The following DYRK1A variants were observed in gnomAD, a reference collection of about 807,000 sequenced individuals.
The protein encoded by DYRK1A is dual specificity tyrosine-phosphorylation-regulated kinase 1A.
DYRK1A carries 9 observed loss-of-function variants against 79.7 expected under a neutral mutation model. The ratio of observed to expected loss-of-function variants is 0.11; its 90% CI spans 0.07 to 0.20. The LOEUF is 0.20. DYRK1A is among the 10% of genes least tolerant of loss of function. The pLI, the probability that DYRK1A is intolerant of heterozygous loss-of-function variation, is 1.00. For missense variants in DYRK1A, 622 were observed against 956.0 expected (o/e 0.65, Z 4.61); for synonymous variants, 349 against 329.7 (o/e 1.06, Z -0.63).
intron 11 of DYRK1A, among the ~76,000 whole-genome samples, chr21:37,509,191 CTT>C (rs751930660): frequency 5.9e-5 from 9 of 152,096 alleles, no homozygotes. Context: ...TTTTTGTATA[CTT>C]TTTGAGATAT....
intron 1 of DYRK1A, among the ~76,000 whole-genome samples, chr21:37,369,202 G>C (rs2049380666): frequency 1.3e-5 from 2 of 152,110 alleles, no homozygotes; most frequent in African/African-American, 4.8e-5. Context: ...TTAGCATTTT[G>C]ATTTTGAGGT....
intron 5 of DYRK1A, chr21:37,481,102 T>C (rs2052623854): frequency 2.0e-5 from 6 of 299,132 alleles, no homozygotes; most frequent in Non-Finnish European, 3.7e-5. Flanking sequence ...GTATTGCCTC[T>C]TTGTTATGGG....
upstream of DYRK1A, chr21:37,366,259 T>TCCTCCC (rs1200433046): frequency 1.4e-5 from 2 of 146,708 alleles, no homozygotes; most frequent in Non-Finnish European, 3.0e-5. Context: ...GCGCCCCTCC[T>TCCTCCC]CCTCCCCCTC....
chr21:37,434,335 A>AG (rs1402319491), intron 2 of DYRK1A, among the ~76,000 whole-genome samples: 1 of 152,238 alleles, frequency 6.6e-6, no homozygotes, highest in Non-Finnish European at 1.5e-5. Flanking sequence ...TTGCTAGGCT[A>AG]GGTGGGACAA....
chr21:37,467,233 GA>G (rs2052061297), intron 2 of DYRK1A, among the ~76,000 whole-genome samples: 1 of 152,096 alleles, frequency 6.6e-6, no homozygotes, highest in African/African-American at 2.4e-5. Context: ...TCCAGAAATG[GA>G]AAATCTTTTT....
chr21:37,391,218 C>T (rs887559515), intron 1 of DYRK1A, among the ~76,000 whole-genome samples: 26 of 152,196 alleles, frequency 1.7e-4, no homozygotes, highest in South Asian at 4.1e-4. Flanking sequence ...GGGCGCTCCT[C>T]GGCTTTCAGT....
In DYRK1A at chr21:37,518,244, C is replaced by T. The variant is rs2835778; in HGVS notation, c.*5713C>T. The T allele has an allele frequency of 0.11, 17,015 of 152,274 alleles. 1,242 individuals carry two copies. The highest frequency in any genetic ancestry group is 0.16 in the Middle Eastern group (47 of 294). 9.4% of individuals were successfully genotyped at this position (152,274 alleles called of 1,614,324 possible). On this transcript the variant is annotated 3_prime_UTR_variant, in exon 12 of 12. Transcript: ENST00000647188. ...AGAAAGAGCGTTTTTATGTACATCACAGACAAGCCTTGTTCTGCTGAAGAG... is the reference window on the plus strand; with the variant it reads ...AGAAAGAGCGTTTTTATGTACATCATAGACAAGCCTTGTTCTGCTGAAGAG...
intron 2 of DYRK1A, among the ~76,000 whole-genome samples, chr21:37,437,066 C>A (rs916229525): frequency 1.3e-5 from 2 of 152,122 alleles, no homozygotes; most frequent in African/African-American, 2.4e-5. Context: ...GTGGAAGATG[C>A]TATACCAGTT....
intron 1 of DYRK1A, among the ~76,000 whole-genome samples, chr21:37,399,905 A>G (rs1345443427): frequency 6.6e-6 from 1 of 152,212 alleles, no homozygotes; most frequent in Non-Finnish European, 1.5e-5. Context: ...AACATTTGGA[A>G]AACTTTTTTT....
At chr21:37,448,680 G>A (rs1032817336) in intron 2 of DYRK1A, among the ~76,000 whole-genome samples, 8 of 152,092 alleles carry the variant, frequency 5.3e-5, no homozygotes, top group African/African-American at 1.9e-4. Flanking sequence ...TATAAAACAA[G>A]TATTTAAAAT....
intron 11 of DYRK1A, among the ~76,000 whole-genome samples, chr21:37,509,552 T>A (rs986710254): frequency 6.6e-6 from 1 of 152,136 alleles, no homozygotes. Flanking sequence ...GCTCAAGTGA[T>A]CCTCCCACCC....
At chr21:37,440,838 A>T (rs12483014) in intron 2 of DYRK1A, among the ~76,000 whole-genome samples, 1 of 151,922 alleles carries the variant, frequency 6.6e-6, no homozygotes, top group Non-Finnish European at 1.5e-5. Context: ...ATCTTGGTTA[A>T]AGTTGCTTTG....
At chr21:37,461,461 A>G (rs1220988019) in intron 2 of DYRK1A, among the ~76,000 whole-genome samples, 1 of 152,156 alleles carries the variant, frequency 6.6e-6, no homozygotes, top group Non-Finnish European at 1.5e-5. Context: ...ATCTACATAC[A>G]TATTTACATT....
rs964433956 is a variant in DYRK1A at position 37,523,715 on chromosome 21, G to A, written c.*11184G>A. The stretch of plus-strand genomic sequence containing the variant: ...TAAGGGTGATTTTCACATTTTACAT[G>A]GCTGAAAAACATCAAATGATATTTC... On this transcript the variant is annotated 3_prime_UTR_variant, in exon 12 of 12. Transcript: ENST00000647188. 36 of 152,254 alleles carry A rather than the reference G, an allele frequency of 2.4e-4. No homozygotes were observed. Among genetic ancestry groups the A allele is most frequent in the African/African-American group, 8.7e-4 (36 of 41,558 alleles). The allele number at this position is 152,254 out of a possible 1,614,324, so 9.4% of individuals were successfully genotyped here.
At chr21:37,510,994 C>G (rs895768380) in intron 11 of DYRK1A, among the ~76,000 whole-genome samples, 1 of 152,070 alleles carries the variant, frequency 6.6e-6, no homozygotes, top group Non-Finnish European at 1.5e-5. Context: ...GGCTCTGGAA[C>G]TGAAGCGATG....
At chr21:37,418,136 T>A (rs1179215764) in intron 1 of DYRK1A, among the ~76,000 whole-genome samples, 1 of 152,188 alleles carries the variant, frequency 6.6e-6, no homozygotes, top group Non-Finnish European at 1.5e-5. Context: ...AACATTTTTG[T>A]TTTTGAAAAG....
At chr21:37,420,808 C>T (rs1298201525) in intron 2 of DYRK1A, among the ~76,000 whole-genome samples, 5 of 152,024 alleles carry the variant, frequency 3.3e-5, no homozygotes, top group Non-Finnish European at 5.9e-5. Flanking sequence ...CCCATACATA[C>T]GGTTTCTTAA....
intron 2 of DYRK1A, among the ~76,000 whole-genome samples, chr21:37,467,874 G>A (rs2052084996): frequency 6.6e-6 from 1 of 152,082 alleles, no homozygotes; most frequent in African/African-American, 2.4e-5. Context: ...AGTAGAATAA[G>A]GCAAGGGAAA....
At chr21:37,462,227 G>A (rs2051864036) in intron 2 of DYRK1A, among the ~76,000 whole-genome samples, 1 of 152,114 alleles carries the variant, frequency 6.6e-6, no homozygotes, top group Admixed American at 6.6e-5. Flanking sequence ...TAGTGAATTG[G>A]GCTGGCTATG....
Sources: allele counts gnomAD v4.1 joint callset (sites outside exome capture counted in the v4.1 genomes callset), GRCh38; gene constraint gnomAD v4.1.1; transcripts MANE v1.5; gene names NCBI Gene and HGNC (gene_info 2026-07-23, HGNC 2026-07-21).